Variants in ABCA5 observed in about 807,000 individuals in gnomAD.
The protein encoded by ABCA5 is cholesterol transporter ABCA5.
ABCA5 carries 163 observed loss-of-function variants against 206.0 expected under a neutral mutation model. The ratio of observed to expected loss-of-function variants is 0.79; its 90% confidence interval spans 0.70 to 0.90. The LOEUF is 0.90. ABCA5 is among the 40% of genes least tolerant of loss of function. The probability of loss-of-function intolerance (pLI) is 0.00; values close to 1 mark genes in which losing one functional copy is unlikely to be tolerated. For synonymous variants in ABCA5, 609 were observed against 613.8 expected, an observed-to-expected ratio of 0.99 and a Z score of 0.11; for missense variants, 1,859 against 1,912.9, an observed-to-expected ratio of 0.97 and a Z score of 0.53.
intron 12 of ABCA5, among the ~76,000 whole-genome samples, chr17:69,290,715 G>T (rs535579858): frequency 8.1e-4 from 123 of 152,088 alleles, no homozygotes; most frequent in African/African-American, 2.9e-3. Context: ...ACTCTATTTG[G>T]TTACTGTCAT....
intron 22 of ABCA5, 37 bp downstream of exon 22, chr17:69,270,576 T>A: frequency 6.5e-7 from 1 of 1,529,146 alleles, no homozygotes; most frequent in Non-Finnish European, 8.8e-7. Context: ...ATATATGACA[T>A]GCATATGGAA....
chr17:69,263,219 G>A (rs1277320857), intron 24 of ABCA5, among the ~76,000 whole-genome samples: 1 of 152,154 alleles, frequency 6.6e-6, no homozygotes, highest in Non-Finnish European at 1.5e-5. Flanking sequence ...TTGCTGTGCA[G>A]AAGCTCTTTA....
intron 1 of ABCA5, among the ~76,000 whole-genome samples, chr17:69,320,813 G>A (rs193167502): frequency 7.2e-5 from 11 of 152,222 alleles, no homozygotes; most frequent in African/African-American, 2.4e-4. Flanking sequence ...GGGATATGGC[G>A]AATAAATAAG....
Position 69,297,142 on chromosome 17 carries a change from T to C in ABCA5, c.1436+49A>G, listed in dbSNP as rs902685627. On this transcript the variant is annotated intron_variant, in intron 10 of 38. Coordinates refer to ENST00000392676, the MANE Select transcript of ABCA5 (RefSeq NM_172232.4). ...ACATATTTAAAGAATAGGATTTAAA[T>C]GTTTCATCAGCAGTTCTTATACCTA... The C allele has an allele frequency of 8.5e-6, 13 of 1,528,204 alleles. No homozygotes were observed. The African/African-American group carries it at 1.5e-4, about 18-fold the overall frequency. 94.7% of individuals were successfully genotyped at this position (1,528,204 alleles called of 1,614,324 possible).
intron 19 of ABCA5, among the ~76,000 whole-genome samples, chr17:69,277,250 C>T (rs528284848): frequency 5.9e-5 from 9 of 151,696 alleles, no homozygotes; most frequent in African/African-American, 1.9e-4. Context: ...CTAATAGACG[C>T]AAAAAATAGC....
intron 15 of ABCA5, among the ~76,000 whole-genome samples, chr17:69,286,516 A>G (rs1202964344): frequency 1.3e-5 from 2 of 152,212 alleles, no homozygotes; most frequent in African/African-American, 4.8e-5. Flanking sequence ...CATTCCTTAT[A>G]TATGTTTCAT....
intron 17 of ABCA5, among the ~76,000 whole-genome samples, chr17:69,285,002 T>C (rs2075434958): frequency 6.6e-6 from 1 of 152,180 alleles, no homozygotes; most frequent in Non-Finnish European, 1.5e-5. Context: ...GGAACTGATT[T>C]GCCTGGGTTC....
chr17:69,245,642 A>T lies in ABCA5; in HGVS notation c.*1895T>A, dbSNP rs1248441797. On this transcript the variant is annotated 3_prime_UTR_variant, in exon 39 of 39. Coordinates refer to ENST00000392676, the MANE Select transcript of ABCA5 (RefSeq NM_172232.4). The stretch of plus-strand genomic sequence containing the variant: ...CTAAAAAAAAATTTGAATGTCTTTT[A>T]AAATTGTTTACAAGAGCATGTATTC... The T allele has an allele frequency of 1.3e-5, 2 of 151,984 alleles. No individual in the cohort carries two copies. Among genetic ancestry groups the T allele is most frequent in the African/African-American group, 4.8e-5 (2 of 41,450 alleles). The allele number at this position is 151,984 out of a possible 1,614,324, so 9.4% of individuals were successfully genotyped here. A position where few individuals can be genotyped will look rare whatever the true frequency, so the allele number is the denominator to read the frequency against.
chr17:69,304,599 G>GA (rs2145020093), intron 7 of ABCA5, 70 bp downstream of exon 7: 2 of 1,310,248 alleles, frequency 1.5e-6, no homozygotes, highest in Admixed American at 6.5e-5. Flanking sequence ...GTAAACTGAA[G>GA]AAAAAGACTT....
intron 1 of ABCA5, among the ~76,000 whole-genome samples, chr17:69,320,390 A>C (rs1431339646): frequency 6.6e-6 from 1 of 152,136 alleles, no homozygotes; most frequent in African/African-American, 2.4e-5. Flanking sequence ...GAAAGTATTA[A>C]CTCTGTCATC....
chr17:69,299,014 GAATA>G (rs375205106), intron 9 of ABCA5, among the ~76,000 whole-genome samples: 2 of 152,166 alleles, frequency 1.3e-5, no homozygotes, highest in East Asian at 3.9e-4. Context: ...CTAAGAACAT[GAATA>G]GATAACTCTA....
chr17:69,293,966 G>C (rs1466248873), intron 11 of ABCA5, among the ~76,000 whole-genome samples: 1 of 151,586 alleles, frequency 6.6e-6, no homozygotes, highest in Non-Finnish European at 1.5e-5. Flanking sequence ...TTAAAGAACA[G>C]TTCTTCACAA....
chr17:69,287,050 A>C (rs2075463832), intron 15 of ABCA5, among the ~76,000 whole-genome samples: 1 of 152,170 alleles, frequency 6.6e-6, no homozygotes, highest in Non-Finnish European at 1.5e-5. Flanking sequence ...CTCAGTGCCT[A>C]AACTGTACAA....
In ABCA5 at chr17:69,306,820, AG is replaced by A; in HGVS notation, c.692del (p.Pro231LeufsTer11). The A allele has an allele frequency of 6.3e-7, 1 of 1,599,142 alleles. No individual in the cohort carries two copies. The highest frequency in any genetic ancestry group is 8.5e-7 in the Non-Finnish European group (1 of 1,172,578). ...TATGAATTGCCAAAAAGTATCCAAA[AG>A]GTGAAAATGCTATAACTAGGTATAT... ...ILIYLVIAFS[P>X]FGYFLAIHIV... On this transcript the variant is annotated frameshift_variant, in exon 6 of 39. Coordinates refer to ENST00000392676, the MANE Select transcript of ABCA5 (RefSeq NM_172232.4). LOFTEE classifies it high-confidence loss of function.
At chr17:69,311,979 C>T (rs971508275) in intron 3 of ABCA5, among the ~76,000 whole-genome samples, 1 of 151,962 alleles carries the variant, frequency 6.6e-6, no homozygotes, top group Non-Finnish European at 1.5e-5. Context: ...ATAGAAATAG[C>T]CAGAGAAAGA....
chr17:69,256,193 C>CT lies in ABCA5; in HGVS notation c.3821dup (p.Val1275GlyfsTer11). Reference sequence around the variant, plus strand: ...ACTGGCAACCCATCAGCTCTTTGACCTTTAGTCTTTCAGCTTTGACATCTT... The same window carrying CT: ...ACTGGCAACCCATCAGCTCTTTGACCTTTTAGTCTTTCAGCTTTGACATCTT... On this transcript the variant is annotated frameshift_variant, in exon 29 of 39. Coordinates refer to ENST00000392676, the MANE Select transcript of ABCA5 (RefSeq NM_172232.4). LOFTEE classifies it high-confidence loss of function. The CT allele has an allele frequency of 1.2e-6, 2 of 1,610,058 alleles. No individual in the cohort carries two copies. The highest frequency in any genetic ancestry group is 2.7e-5 in the African/African-American group (2 of 74,880).
At chr17:69,272,822 AAC>A (rs553450895) in intron 20 of ABCA5, among the ~76,000 whole-genome samples, 79 of 152,206 alleles carry the variant, frequency 5.2e-4, no homozygotes, top group African/African-American at 1.5e-3. Flanking sequence ...ACCAGATTTT[AAC>A]AGTGATTATT....
chr17:69,319,524 TCAC>T (rs957548970), intron 1 of ABCA5, among the ~76,000 whole-genome samples: 1 of 152,018 alleles, frequency 6.6e-6, no homozygotes, highest in Non-Finnish European at 1.5e-5. Flanking sequence ...ACACAAACCA[TCAC>T]CACCACCACC....
chr17:69,325,047 G>A (rs2075887965), intron 1 of ABCA5, among the ~76,000 whole-genome samples: 1 of 151,544 alleles, frequency 6.6e-6, no homozygotes, highest in African/African-American at 2.4e-5. Context: ...ATGCAGTCAG[G>A]TGCAGTGGCT....
Sources: gnomAD v4.1 joint callset for allele counts (sites outside exome capture counted in the v4.1 genomes callset) on GRCh38, gnomAD v4.1.1 for gene constraint, MANE v1.5 for transcripts, NCBI Gene and HGNC (gene_info 2026-07-23, HGNC 2026-07-21) for gene names.